The following USH2A variants were observed in gnomAD, a reference collection of about 807,000 sequenced individuals.
The protein encoded by USH2A is usherin, also known as Usher syndrome 2A (autosomal recessive, mild).
Under a neutral mutation model 538.9 loss-of-function variants are expected in USH2A, and 443 were observed. The observed-to-expected ratio is 0.82, with a 90% CI of 0.76 to 0.89. USH2A has a LOEUF of 0.89. USH2A is among the 40% of genes least tolerant of loss of function. The pLI, the probability that USH2A is intolerant of heterozygous loss-of-function variation, is 0.00. For synonymous variants in USH2A, 2,413 were observed against 2,273.5 expected, an observed-to-expected ratio of 1.06 and a Z score of -1.75; for missense variants, 6,633 against 6,324.8, an observed-to-expected ratio of 1.05 and a Z score of -1.65.
Position 216,175,608 on chromosome 1 carries a change from A to T in USH2A, c.4397-126T>A, listed in dbSNP as rs139807350. The T allele has an allele frequency of 2.9e-4, 274 of 942,824 alleles. 1 individual carries two copies. In the African/African-American group the frequency reaches 4.0e-3, roughly 14 times the overall value. 58.4% of individuals were successfully genotyped at this position (942,824 alleles called of 1,614,324 possible). ...TCAAATCAAATCAGTTGTGGTTTCA[A>T]GTATCTGTATGGCTCTAGGAACTGA... On this transcript the variant is annotated intron_variant, in intron 20 of 71. Transcript: ENST00000307340.
intron 38 of USH2A, among the ~76,000 whole-genome samples, chr1:215,917,475 T>C (rs1665984250): frequency 6.6e-6 from 1 of 152,044 alleles, no homozygotes; most frequent in Non-Finnish European, 1.5e-5. Flanking sequence ...ATATTGCTCA[T>C]TGACTTCATT....
intron 71 of USH2A, 100 bp from the exon 72 acceptor site, chr1:215,625,970 T>C: frequency 8.3e-7 from 1 of 1,204,514 alleles, no homozygotes; most frequent in South Asian, 1.3e-5. Flanking sequence ...GTAATAAGTA[T>C]TAAAGGCTTT....
intron 41 of USH2A, 57 bp downstream of exon 41, chr1:215,888,369 G>A (rs536323970): frequency 3.0e-5 from 48 of 1,606,946 alleles, no homozygotes; most frequent in Non-Finnish European, 4.1e-5. Context: ...TCAACACAGA[G>A]TCAATCCAGG....
intron 38 of USH2A, among the ~76,000 whole-genome samples, chr1:215,909,965 A>G (rs975001267): frequency 1.3e-5 from 2 of 151,998 alleles, no homozygotes; most frequent in Non-Finnish European, 2.9e-5. Flanking sequence ...AGATATTTTT[A>G]GAAGGCCATT....
chr1:216,251,576 G>A (rs1215859872), intron 11 of USH2A, among the ~76,000 whole-genome samples: 4 of 148,296 alleles, frequency 2.7e-5, no homozygotes, highest in Non-Finnish European at 4.4e-5. Flanking sequence ...TCAGCCTTCC[G>A]AGTAGCTGGG....
chr1:216,259,076 C>T (rs574323962), intron 11 of USH2A, among the ~76,000 whole-genome samples: 14 of 152,194 alleles, frequency 9.2e-5, no homozygotes, highest in Non-Finnish European at 1.5e-4. Context: ...CTCATGCCAT[C>T]CTTCAACTGT....
chr1:215,710,327 A>G (rs1659303488), intron 61 of USH2A, among the ~76,000 whole-genome samples: 1 of 152,226 alleles, frequency 6.6e-6, no homozygotes, highest in Non-Finnish European at 1.5e-5. Context: ...GGGCATTTTA[A>G]AAGTAGGACA....
intron 43 of USH2A, among the ~76,000 whole-genome samples, chr1:215,871,194 T>A (rs1664617376): frequency 6.6e-6 from 1 of 152,196 alleles, no homozygotes; most frequent in African/African-American, 2.4e-5. Flanking sequence ...CAGCAAATTG[T>A]AAACTTTATT....
Position 215,625,479 on chromosome 1 carries a change from T to G in USH2A, c.*302A>C. 2.4e-6 allele frequency: 1 copy of G among 413,088 alleles called. No homozygotes were observed. The highest frequency in any genetic ancestry group is 4.5e-6 in the Non-Finnish European group (1 of 222,648). 25.6% of individuals were successfully genotyped at this position (413,088 alleles called of 1,614,324 possible). A position where few individuals can be genotyped will look rare whatever the true frequency, so the allele number is the denominator to read the frequency against. ...CTTGAAATTGCCACTGATTATTCAG[T>G]TAACCAGGAGCATCACTGCCAAACA... On this transcript the variant is annotated 3_prime_UTR_variant, in exon 72 of 72. Transcript: ENST00000307340.
At chr1:216,010,923 C>T (rs566235457) in intron 32 of USH2A, among the ~76,000 whole-genome samples, 10 of 152,138 alleles carry the variant, frequency 6.6e-5, no homozygotes, top group South Asian at 6.2e-4. Context: ...CCCTCCTTGG[C>T]GACGGATCAT....
chr1:216,388,873 G>A (rs187875566), intron 3 of USH2A, among the ~76,000 whole-genome samples: 89 of 152,262 alleles, frequency 5.8e-4, no homozygotes, highest in African/African-American at 2.0e-3. Flanking sequence ...GTCTTTCCTT[G>A]CCTCTCAATA....
intron 6 of USH2A, 148 bp from the exon 7 acceptor site, chr1:216,324,500 A>G: frequency 1.3e-6 from 1 of 760,014 alleles, no homozygotes; most frequent in Non-Finnish European, 2.1e-6. Context: ...CAGAAACTTC[A>G]TAGCCCTGTG....
chr1:216,059,464 T>C (rs1340095786), intron 30 of USH2A, among the ~76,000 whole-genome samples: 1 of 152,208 alleles, frequency 6.6e-6, no homozygotes, highest in Non-Finnish European at 1.5e-5. Flanking sequence ...AACCCTAAAA[T>C]TATTCAAACA....
chr1:216,228,159 A>G (rs911643899), intron 14 of USH2A, among the ~76,000 whole-genome samples: 7 of 152,132 alleles, frequency 4.6e-5, no homozygotes, highest in African/African-American at 1.7e-4. Context: ...ATAGAATAGC[A>G]TTCATGGGAT....
intron 4 of USH2A, among the ~76,000 whole-genome samples, chr1:216,340,288 C>T (rs182477193): frequency 2.6e-5 from 4 of 152,016 alleles, no homozygotes; most frequent in Admixed American, 1.3e-4. Context: ...CAAGGCTAAA[C>T]CAGGAAAAGT....
intron 63 of USH2A, among the ~76,000 whole-genome samples, chr1:215,671,805 T>C (rs7548730): frequency 0.29 from 44,601 of 151,760 alleles, 6,822 homozygotes; most frequent in South Asian, 0.55. Flanking sequence ...AAATGATCCC[T>C]CAGGAATGTT....
intron 44 of USH2A, among the ~76,000 whole-genome samples, chr1:215,855,585 A>C (rs1041617423): frequency 1.3e-5 from 2 of 152,216 alleles, no homozygotes; most frequent in African/African-American, 4.8e-5. Flanking sequence ...AGCAATCTGC[A>C]AATTCAATGC....
chr1:215,758,738 A>G lies in USH2A; in HGVS notation c.11246T>C (p.Leu3749Ser). The G allele has an allele frequency of 6.2e-7, 1 of 1,613,938 alleles. No individual in the cohort carries two copies. Among genetic ancestry groups the G allele is most frequent in the Non-Finnish European group, 8.5e-7 (1 of 1,179,956 alleles). Residue 3749 changes from leucine (L) to serine (S), a missense_variant, in exon 58 of 72, where the codon TTA becomes TCA. Physicochemically the swap from Leu to Ser is moderately radical, Grantham distance 145. Coordinates refer to ENST00000307340, the MANE Select transcript of USH2A (RefSeq NM_206933.4). ...GCTGCCACCTCCAGTTTTGACTTCT[A>G]ACTTGTAAGTGTATCTATATTTAAA... ...LEPNSRYTYK[L>S]EVKTGGGSSA...
chr1:215,691,594 T>C (rs2102681729), intron 61 of USH2A, among the ~76,000 whole-genome samples: 1 of 152,286 alleles, frequency 6.6e-6, no homozygotes, highest in Admixed American at 6.5e-5. Context: ...TTTGATTCTT[T>C]TTATCCTGAT....
Sources: gnomAD v4.1 joint callset for allele counts (sites outside exome capture counted in the v4.1 genomes callset) on GRCh38, gnomAD v4.1.1 for gene constraint, MANE v1.5 for transcripts, NCBI Gene and HGNC (gene_info 2026-07-23, HGNC 2026-07-21) for gene names.